The following NEDD4 variants were observed in gnomAD, a reference collection of about 807,000 sequenced individuals.
NEDD4 encodes the protein E3 ubiquitin-protein ligase NEDD4.
Under a neutral mutation model 144.9 loss-of-function variants are expected in NEDD4, and 99 were observed. The ratio of observed to expected loss-of-function variants is 0.68; its 90% confidence interval spans 0.58 to 0.81. The LOEUF is 0.81. Among genes scored for constraint, NEDD4 ranks in the 30% least tolerant of loss-of-function variants. The pLI is 0.00. For synonymous variants in NEDD4, 318 were observed against 350.6 expected, an observed-to-expected ratio of 0.91 and a Z score of 1.04; for missense variants, 985 against 1,065.9, an observed-to-expected ratio of 0.92 and a Z score of 1.06.
intron 5 of NEDD4, among the ~76,000 whole-genome samples, chr15:55,922,753 G>A (rs1595847705): frequency 6.6e-6 from 1 of 152,188 alleles, no homozygotes; most frequent in Admixed American, 6.5e-5. Context: ...ACAGTGGCTA[G>A]TACTTGTGGA....
intron 5 of NEDD4, among the ~76,000 whole-genome samples, chr15:55,903,214 TC>T (rs1290069518): frequency 1.3e-5 from 2 of 152,172 alleles, no homozygotes; most frequent in Non-Finnish European, 2.9e-5. Context: ...CTCTTTTTTT[TC>T]TTTCTGATGC....
At chr15:55,840,000 ATATATATATATAT>A (rs1218182939) in intron 21 of NEDD4, among the ~76,000 whole-genome samples, 191 of 13,364 alleles carry the variant, frequency 0.014, 8 homozygotes, top group Middle Eastern at 0.083. Context: ...AAAAAAAAAA[ATATATATATATAT>A]ATATATATAT....
intron 4 of NEDD4, among the ~76,000 whole-genome samples, chr15:55,942,053 T>C (rs552457805): frequency 2.9e-4 from 35 of 122,604 alleles, no homozygotes; most frequent in African/African-American, 1.0e-3. Flanking sequence ...AAATCATCTA[T>C]ATATTTACTA....
At chr15:55,849,816 G>A (rs557283615) in intron 14 of NEDD4, among the ~76,000 whole-genome samples, 9 of 145,566 alleles carry the variant, frequency 6.2e-5, no homozygotes, top group Admixed American at 2.8e-4. Flanking sequence ...TTTTTGAGAT[G>A]GAGTCTCGCT....
intron 4 of NEDD4, among the ~76,000 whole-genome samples, chr15:55,927,804 G>A (rs1247839698): frequency 6.6e-6 from 1 of 152,174 alleles, no homozygotes; most frequent in African/African-American, 2.4e-5. Context: ...AACTCAGGCA[G>A]GGAGTCAGCA....
intron 2 of NEDD4, 111 bp downstream of exon 2, chr15:55,966,362 T>G (rs2037512752): frequency 3.1e-6 from 2 of 645,348 alleles, no homozygotes; most frequent in Non-Finnish European, 5.3e-6. Context: ...ATTATTATAC[T>G]TTCCACAACA....
intron 4 of NEDD4, among the ~76,000 whole-genome samples, chr15:55,944,753 A>G (rs1375829170): frequency 6.6e-6 from 1 of 152,174 alleles, no homozygotes; most frequent in African/African-American, 2.4e-5. Flanking sequence ...CAGACACCTC[A>G]TACAGGCAGG....
chr15:55,906,285 T>G (rs1369529965), intron 5 of NEDD4, among the ~76,000 whole-genome samples: 1 of 152,178 alleles, frequency 6.6e-6, no homozygotes, highest in Non-Finnish European at 1.5e-5. Context: ...TTACTGGGTA[T>G]ATACCCAAAG....
At chr15:55,984,564 G>A (rs868229539) in intron 1 of NEDD4, among the ~76,000 whole-genome samples, 1 of 152,154 alleles carries the variant, frequency 6.6e-6, no homozygotes, top group Non-Finnish European at 1.5e-5. Flanking sequence ...GGCCATGATT[G>A]TTTGTTCATA....
At chr15:55,954,345 C>T (rs1298967549) in intron 2 of NEDD4, among the ~76,000 whole-genome samples, 1 of 152,116 alleles carries the variant, frequency 6.6e-6, no homozygotes, top group Non-Finnish European at 1.5e-5. Context: ...CTAAGTATTG[C>T]CCCAGCCCTC....
chr15:55,926,226 C>T (rs2036662721), intron 4 of NEDD4, among the ~76,000 whole-genome samples: 1 of 152,076 alleles, frequency 6.6e-6, no homozygotes, highest in Non-Finnish European at 1.5e-5. Flanking sequence ...CTGAATATGT[C>T]TATCTAGAAA....
intron 5 of NEDD4, among the ~76,000 whole-genome samples, chr15:55,910,144 A>G (rs1056273193): frequency 3.9e-5 from 6 of 152,294 alleles, no homozygotes; most frequent in Middle Eastern, 6.8e-3. Context: ...TACATCTTAT[A>G]TCCACTTCAC....
intron 4 of NEDD4, among the ~76,000 whole-genome samples, chr15:55,939,368 GC>G (rs752979424): frequency 6.6e-6 from 1 of 152,116 alleles, no homozygotes; most frequent in Non-Finnish European, 1.5e-5. Flanking sequence ...TGGAGAAGGT[GC>G]CCGCTTCCTG....
At chr15:55,915,422 G>A (rs1330403911) in intron 5 of NEDD4, 8 of 1,613,768 alleles carry the variant, frequency 5.0e-6, no homozygotes, top group Non-Finnish European at 6.8e-6. Context: ...GCTTAAGGCT[G>A]GATAGACAGG....
At chr15:55,971,195 C>A (rs775497253) in intron 1 of NEDD4, among the ~76,000 whole-genome samples, 3 of 152,076 alleles carry the variant, frequency 2.0e-5, no homozygotes, top group Non-Finnish European at 4.4e-5. Flanking sequence ...CAGAATTGAT[C>A]ACGCAGAAGA....
intron 2 of NEDD4, among the ~76,000 whole-genome samples, chr15:55,963,275 A>G (rs925651144): frequency 1.3e-5 from 2 of 151,162 alleles, no homozygotes; most frequent in Non-Finnish European, 3.0e-5. Flanking sequence ...GGGACCACAG[A>G]TGCATACAAC....
Position 55,915,522 on chromosome 15 carries a change from C to T in NEDD4, c.291+9124G>A, listed in dbSNP as rs535681819. 5.4e-5 allele frequency: 87 copies of T among 1,613,916 alleles called. No homozygotes were observed. In the South Asian group the frequency reaches 8.9e-4, roughly 17 times the overall value. On this transcript the variant is annotated intron_variant, in intron 5 of 28. Transcript: ENST00000435532. ...CTGTGAATGTGGTCTTTCCAATTCT[C>T]CATTGATATTTATTTGACAATCTAC...
chr15:55,951,454 G>A (rs2142301324), intron 3 of NEDD4, 40 bp from the exon 4 acceptor site: 1 of 1,334,608 alleles, frequency 7.5e-7, no homozygotes, highest in South Asian at 1.4e-5. Context: ...ATAAGGTTTT[G>A]TCTTATAAAA....
chr15:55,874,597 A>T (rs1370791533), intron 5 of NEDD4, among the ~76,000 whole-genome samples: 1 of 152,260 alleles, frequency 6.6e-6, no homozygotes, highest in African/African-American at 2.4e-5. Context: ...CAGATGGAAG[A>T]CTGAGAGGGC....
Sources: gnomAD v4.1 joint callset for allele counts (sites outside exome capture counted in the v4.1 genomes callset) on GRCh38, gnomAD v4.1.1 for gene constraint, MANE v1.5 for transcripts, NCBI Gene and HGNC (gene_info 2026-07-23, HGNC 2026-07-21) for gene names.